The following CFAP418 variants were observed in gnomAD, a reference collection of about 807,000 sequenced individuals.
CFAP418 encodes cilia and flagella associated protein 418.
CFAP418 carries 27 observed loss-of-function variants against 24.7 expected under a neutral mutation model. The ratio of observed to expected loss-of-function variants is 1.09; its 90% CI spans 0.81 to 1.51. The LOEUF is 1.51. CFAP418 is among the 40% of genes most tolerant of loss of function. The pLI is 0.00. For synonymous variants in CFAP418, 74 were observed against 87.3 expected (o/e 0.85, Z 0.85); for missense variants, 257 against 255.2 (o/e 1.01, Z -0.05).
intron 5 of CFAP418, among the ~76,000 whole-genome samples, chr8:95,250,217 T>C (rs1563470143): frequency 6.6e-6 from 1 of 152,266 alleles, no homozygotes. Flanking sequence ...AGCTGTTCCA[T>C]TCTCTTATCT....
chr8:95,254,746 C>T (rs78017058), intron 4 of CFAP418, among the ~76,000 whole-genome samples: 1,580 of 152,322 alleles, frequency 0.01, 32 homozygotes, highest in African/African-American at 0.035. Context: ...TTGAAGATAA[C>T]AGCAGTTCCA....
rs1563468876 is a variant in CFAP418 at position 95,246,597 on chromosome 8, T to A, written c.*1020A>T. On this transcript the variant is annotated 3_prime_UTR_variant, in exon 6 of 6. Transcript: ENST00000286688. ...TTGGAAAGCTCCCAAAATCTCTCAA[T>A]GGGGTTGGGAGCTAGAAATTTTGAG... 1 of 152,148 alleles carries A rather than the reference T, an allele frequency of 6.6e-6. No homozygotes were observed. Among genetic ancestry groups the A allele is most frequent in the Non-Finnish European group, 1.5e-5 (1 of 68,024 alleles). The allele number at this position is 152,148 out of a possible 1,614,324, so 9.4% of individuals were successfully genotyped here.
chr8:95,248,657 A>G (rs893614870), intron 5 of CFAP418, among the ~76,000 whole-genome samples: 1 of 152,228 alleles, frequency 6.6e-6, no homozygotes, highest in Non-Finnish European at 1.5e-5. Flanking sequence ...AAAAGACTAC[A>G]GAAGTTTAAT....
At chr8:95,252,366 T>C in intron 4 of CFAP418, 83 bp from the exon 5 acceptor site, 2 of 815,546 alleles carry the variant, frequency 2.5e-6, no homozygotes, top group East Asian at 2.6e-5. Flanking sequence ...ATTTATAGGA[T>C]ACACCACATA....
rs1410353755 is a variant in CFAP418, at chr8:95,245,956, T to C, written c.*1661A>G. 1 of 152,136 alleles carries C rather than the reference T, an allele frequency of 6.6e-6. No homozygotes were observed. Among genetic ancestry groups the C allele is most frequent in the African/African-American group, 2.4e-5 (1 of 41,444 alleles). The allele number at this position is 152,136 out of a possible 1,614,324, so 9.4% of individuals were successfully genotyped here. On this transcript the variant is annotated 3_prime_UTR_variant, in exon 6 of 6. Transcript: ENST00000286688. ...TATAGATATAACTTTAGGGATATAA[T>C]ACATTTTTATTAAAAGATAAAATCT...
chr8:95,247,644 C>G lies in CFAP418; in HGVS notation c.597G>C (p.Gln199His). Residue 199 changes from glutamine (Q) to histidine (H), a missense_variant, in exon 6 of 6, where the codon CAG becomes CAC. By Grantham distance (24) the Gln-to-His change is conservative. Transcript: ENST00000286688. Reference sequence around the variant, plus strand: ...AATGTTTACCACAAACCCAGCGAAGCTGATGATCTGTCTGAAGGTCAGTCA... The same window carrying G: ...AATGTTTACCACAAACCCAGCGAAGGTGATGATCTGTCTGAAGGTCAGTCA... Reference protein sequence around the residue: ...EEVTDLQTDHQLRWVCGKH With the variant: ...EEVTDLQTDHHLRWVCGKH 1 of 1,614,218 alleles carries G rather than the reference C, an allele frequency of 6.2e-7. No homozygotes were observed. Among genetic ancestry groups the G allele is most frequent in the Non-Finnish European group, 8.5e-7 (1 of 1,180,034 alleles).
Position 95,259,855 on chromosome 8 carries a change from G to T in CFAP418, c.359C>A (p.Thr120Lys). ...GACAACCTACCTCCATGAAATATTT[G>T]TTCCAATCCCACATGGAATAGAGCT... ...GGSSIPCGIG[T>K]NISWRACDHL... The change falls in exon 4 of 6, where the codon ACA (threonine) becomes AAA (lysine). Residue 120 changes from threonine to lysine, a missense_variant. By Grantham distance (78) the Thr-to-Lys change is moderately conservative. Transcript: ENST00000286688. The T allele has an allele frequency of 8.1e-6, 13 of 1,608,852 alleles. No homozygotes were observed. The highest frequency in any genetic ancestry group is 1.1e-5 in the Non-Finnish European group (13 of 1,178,396).
intron 4 of CFAP418, among the ~76,000 whole-genome samples, chr8:95,253,157 A>C (rs1811734666): frequency 1.3e-5 from 2 of 152,142 alleles, no homozygotes; most frequent in Non-Finnish European, 2.9e-5. Flanking sequence ...AAAATACAAA[A>C]AAATTAGCTG....
In CFAP418 at chr8:95,262,700, G is replaced by A. The variant is rs560625895; in HGVS notation, c.243+987C>T. The stretch of plus-strand genomic sequence containing the variant: ...GGCAATGGGTAGAAAAGTTGAAGAT[G>A]AGCACACCTTATGACCTAGGAATTC... On this transcript the variant is annotated intron_variant, in intron 2 of 5. Coordinates refer to ENST00000286688, the MANE Select transcript of CFAP418 (RefSeq NM_177965.4). Among the ~76,000 whole-genome samples, 3 of 152,272 alleles carry A rather than the reference G, an allele frequency of 2.0e-5. No individual in the cohort carries two copies. In the South Asian group the frequency reaches 6.2e-4, roughly 32 times the overall value.
chr8:95,264,418 T>C (rs1811942029), intron 1 of CFAP418, among the ~76,000 whole-genome samples: 1 of 152,206 alleles, frequency 6.6e-6, no homozygotes, highest in Admixed American at 6.5e-5. Context: ...GAATACTTAC[T>C]ATAACCCAGG....
chr8:95,262,707 C>G (rs182493031), intron 2 of CFAP418, among the ~76,000 whole-genome samples: 7 of 152,110 alleles, frequency 4.6e-5, no homozygotes, highest in African/African-American at 1.7e-4. Context: ...GATGAGCACA[C>G]CTTATGACCT....
rs1811603994 is a variant in CFAP418, at chr8:95,245,539, C to T, written c.*2078G>A. ...GCGGATCACGAGTTCAGGAGATCGA[C>T]ATCATTCTGGCCAACATGGTGAAAC... On this transcript the variant is annotated 3_prime_UTR_variant, in exon 6 of 6. Transcript: ENST00000286688. 6.6e-6 allele frequency: 1 copy of T among 151,984 alleles called. No homozygotes were observed. Among genetic ancestry groups the T allele is most frequent in the African/African-American group, 2.4e-5 (1 of 41,374 alleles). 9.4% of individuals were successfully genotyped at this position (151,984 alleles called of 1,614,324 possible). A position where few individuals can be genotyped will look rare whatever the true frequency, so the allele number is the denominator to read the frequency against.
Position 95,252,229 on chromosome 8 carries a change from A to G in CFAP418, c.429T>C (p.Asp143=). 1 of 1,613,960 alleles carries G rather than the reference A, an allele frequency of 6.2e-7. No homozygotes were observed. The highest frequency in any genetic ancestry group is 8.5e-7 in the Non-Finnish European group (1 of 1,179,860). ...CACACGATTTGTCCCACATATAGTC[A>G]TCATAGCTGACTACCAAGAAATCAC... ...IACDFLVVSY[D]DYMWDKSCDY... Residue 143 remains aspartate, a synonymous_variant, in exon 5 of 6, where the codon GAT becomes GAC. Transcript: ENST00000286688.
At chr8:95,255,745 T>C (rs985673875) in intron 4 of CFAP418, among the ~76,000 whole-genome samples, 4 of 152,210 alleles carry the variant, frequency 2.6e-5, no homozygotes, top group African/African-American at 4.8e-5. Flanking sequence ...ATTTATAAAA[T>C]GGAGGTAAAA....
intron 1 of CFAP418, among the ~76,000 whole-genome samples, chr8:95,264,128 A>C (rs1230227501): frequency 6.6e-6 from 1 of 152,192 alleles, no homozygotes; most frequent in Non-Finnish European, 1.5e-5. Flanking sequence ...TATTATAAAC[A>C]AAGATAATTT....
At chr8:95,258,369 G>A (rs34308441) in intron 4 of CFAP418, among the ~76,000 whole-genome samples, 6,536 of 120,786 alleles carry the variant, frequency 0.054, 242 homozygotes, top group Middle Eastern at 0.11. Flanking sequence ...GCGACAGAGC[G>A]AGACTCTGTC....
chr8:95,248,743 T>C (rs971800906), intron 5 of CFAP418, among the ~76,000 whole-genome samples: 1 of 151,708 alleles, frequency 6.6e-6, no homozygotes, highest in South Asian at 2.1e-4. Flanking sequence ...CAAAGAAAAG[T>C]AGAAAAAATT....
rs564063498 is a variant in CFAP418, at chr8:95,248,493, T to C, written c.471-723A>G. ...TCATAGGTTTCTGATGAATTAACTATAGAAAATTTTCATTAGCTTCAATGA... is the reference window on the plus strand; with the variant it reads ...TCATAGGTTTCTGATGAATTAACTACAGAAAATTTTCATTAGCTTCAATGA... On this transcript the variant is annotated intron_variant, in intron 5 of 5. Coordinates refer to ENST00000286688, the MANE Select transcript of CFAP418 (RefSeq NM_177965.4). 3.3e-5 allele frequency among the ~76,000 whole-genome samples: 5 copies of C among 152,336 alleles called. No homozygotes were observed. The East Asian group carries it at 7.7e-4, about 23-fold the overall frequency.
At chr8:95,256,855 G>A (rs538061196) in intron 4 of CFAP418, among the ~76,000 whole-genome samples, 157 of 152,300 alleles carry the variant, frequency 1.0e-3, no homozygotes, top group African/African-American at 3.6e-3. Context: ...AAACATAAGT[G>A]GAAAGTACAG....
Sources: gnomAD v4.1 joint callset for allele counts (sites outside exome capture counted in the v4.1 genomes callset) on GRCh38, gnomAD v4.1.1 for gene constraint, MANE v1.5 for transcripts, NCBI Gene and HGNC (gene_info 2026-07-23, HGNC 2026-07-21) for gene names.